Variants in OGFRL1 observed in about 807,000 individuals in gnomAD.
The protein encoded by OGFRL1 is opioid growth factor receptor like 1.
Under a neutral mutation model 32.4 loss-of-function variants are expected in OGFRL1, and 26 were observed. The observed-to-expected ratio is 0.80, with a 90% CI of 0.59 to 1.11. The LOEUF (loss-of-function observed/expected upper bound fraction) is 1.11. OGFRL1 is among the 50% of genes most tolerant of loss of function. The pLI is 0.00. For missense variants in OGFRL1, 521 were observed against 546.4 expected, an observed-to-expected ratio of 0.95 and a Z score of 0.46; for synonymous variants, 211 against 201.2, an observed-to-expected ratio of 1.05 and a Z score of -0.41.
intron 6 of OGFRL1, among the ~76,000 whole-genome samples, chr6:71,299,129 CCTTTTAA>C (rs1292147743): frequency 6.6e-6 from 1 of 152,016 alleles, no homozygotes; most frequent in Non-Finnish European, 1.5e-5. Flanking sequence ...CCCTGGGGAG[CCTTTTAA>C]CTTTTATTTT....
chr6:71,292,509 A>G (rs943724583), intron 1 of OGFRL1, among the ~76,000 whole-genome samples: 3 of 152,244 alleles, frequency 2.0e-5, no homozygotes, highest in Non-Finnish European at 2.9e-5. Context: ...TAGTACATAT[A>G]GGGAATGCAA....
rs780958817 is a variant in OGFRL1, at chr6:71,293,540, A to G, written c.329A>G (p.Lys110Arg). Reference sequence around the variant, plus strand: ...TATTTTTTCCTTTAGCAGAACTTCAAAGATATCCGATATCAAAATGACTTG... The same window carrying G: ...TATTTTTTCCTTTAGCAGAACTTCAGAGATATCCGATATCAAAATGACTTG... ...YKYRHQYPNFKDIRYQNDLSN... is the reference protein window; with the variant it reads ...YKYRHQYPNFRDIRYQNDLSN... The change falls in exon 3 of 7, where the codon AAA (lysine) becomes AGA (arginine). Residue 110 changes from lysine to arginine, a missense_variant. Physicochemically the swap from Lys to Arg is conservative, Grantham distance 26. Transcript: ENST00000370435. 3.7e-6 allele frequency: 6 copies of G among 1,612,434 alleles called. No homozygotes were observed. In the East Asian group the frequency reaches 1.3e-4, roughly 36 times the overall value.
Position 71,288,835 on chromosome 6 carries a change from T to A in OGFRL1, c.-102T>A. 1.1e-6 allele frequency: 1 copy of A among 874,438 alleles called. No homozygotes were observed. The highest frequency in any genetic ancestry group is 1.4e-6 in the Non-Finnish European group (1 of 720,392). 54.2% of individuals were successfully genotyped at this position (874,438 alleles called of 1,614,324 possible). A position where few individuals can be genotyped will look rare whatever the true frequency, so the allele number is the denominator to read the frequency against. ...CAGTGCGGGGCGGGCGCGCCTAGGCTGCCGCCCAGCGCCCTCGCCGCGGCC... is the reference window on the plus strand; with the variant it reads ...CAGTGCGGGGCGGGCGCGCCTAGGCAGCCGCCCAGCGCCCTCGCCGCGGCC... On this transcript the variant is annotated 5_prime_UTR_variant, in exon 1 of 7. Transcript: ENST00000370435.
In OGFRL1 at chr6:71,301,653, G is replaced by C. The variant is rs143683047; in HGVS notation, c.960G>C (p.Ser320=). Residue 320 remains serine (S), a synonymous_variant, in exon 7 of 7, where the codon TCG becomes TCC. Coordinates refer to ENST00000370435, the MANE Select transcript of OGFRL1 (RefSeq NM_024576.5). The stretch of plus-strand genomic sequence containing the variant: ...GGGGACCGCCTCGAAAAGAACAGTC[G>C]GAGGGAAGCAAAGCCCAGAAAATGT... ...FIWGPPRKEQ[S]EGSKAQKMSS... The C allele has an allele frequency of 3.7e-6, 6 of 1,614,010 alleles. No individual in the cohort carries two copies. The highest frequency in any genetic ancestry group is 5.1e-6 in the Non-Finnish European group (6 of 1,180,002).
rs545937282 is a variant in OGFRL1 at position 71,307,606 on chromosome 6, C to T, written c.*5557C>T. On this transcript the variant is annotated 3_prime_UTR_variant, in exon 7 of 7. Transcript: ENST00000370435. ...TTCAGAGAAAAGGCAGTAGTGGTCA[C>T]TTACTGTGCTAAAATACCTTTTTCT... 5 of 152,042 alleles carry T rather than the reference C, an allele frequency of 3.3e-5. No individual in the cohort carries two copies. Among genetic ancestry groups the T allele is most frequent in the Admixed American group, 6.5e-5 (1 of 15,270 alleles). 9.4% of individuals were successfully genotyped at this position (152,042 alleles called of 1,614,324 possible).
intron 3 of OGFRL1, among the ~76,000 whole-genome samples, chr6:71,293,995 A>G (rs1442206449): frequency 1.3e-5 from 2 of 152,196 alleles, no homozygotes; most frequent in Non-Finnish European, 2.9e-5. Flanking sequence ...GCCATAGCTG[A>G]AAACTATTTA....
intron 6 of OGFRL1, among the ~76,000 whole-genome samples, 197 bp downstream of exon 6, chr6:71,297,014 T>A (rs936404906): frequency 1.3e-5 from 2 of 152,190 alleles, no homozygotes; most frequent in African/African-American, 2.4e-5. Context: ...AACAAAATTC[T>A]AGGTAGAAAC....
intron 6 of OGFRL1, among the ~76,000 whole-genome samples, chr6:71,298,362 G>A (rs961056262): frequency 6.6e-6 from 1 of 152,078 alleles, no homozygotes; most frequent in Admixed American, 6.6e-5. Flanking sequence ...CTTTTGAAAG[G>A]ATTTGATAGT....
chr6:71,308,954 C>T lies in OGFRL1; in HGVS notation c.*6905C>T, dbSNP rs1328796060. ...ATTTTTAAAGAACTAGAAAAAATGA[C>T]TTGCTGTTTTCCTGTCATTAAGCAT... On this transcript the variant is annotated 3_prime_UTR_variant, in exon 7 of 7. Transcript: ENST00000370435. 6.6e-6 allele frequency: 1 copy of T among 152,116 alleles called. No individual in the cohort carries two copies. Among genetic ancestry groups the T allele is most frequent in the Non-Finnish European group, 1.5e-5 (1 of 68,006 alleles). The allele number at this position is 152,116 out of a possible 1,614,324, so 9.4% of individuals were successfully genotyped here.
chr6:71,292,228 C>T (rs2149351984), intron 1 of OGFRL1, among the ~76,000 whole-genome samples: 1 of 152,288 alleles, frequency 6.6e-6, no homozygotes, highest in Admixed American at 6.5e-5. Flanking sequence ...GACCAGAATT[C>T]AAGCTTTTCC....
In OGFRL1 at chr6:71,290,023, T is replaced by G. The variant is rs116198589; in HGVS notation, c.234+853T>G. Among the ~76,000 whole-genome samples, 446 of 152,282 alleles carry G rather than the reference T, an allele frequency of 2.9e-3. 5 individuals are homozygous for G. Among genetic ancestry groups the G allele is most frequent in the African/African-American group, 0.01 (434 of 41,558 alleles). The stretch of plus-strand genomic sequence containing the variant: ...AAAGTCCAATGTGACCACAGGGTTT[T>G]GGGGGAATCATAACCTAAATATTAC... On this transcript the variant is annotated intron_variant, in intron 1 of 6. Transcript: ENST00000370435.
At chr6:71,292,453 T>A (rs1346149972) in intron 1 of OGFRL1, among the ~76,000 whole-genome samples, 1 of 152,126 alleles carries the variant, frequency 6.6e-6, no homozygotes, top group Non-Finnish European at 1.5e-5. Flanking sequence ...AGGTCTAAAG[T>A]TTTTCTTTTT....
chr6:71,302,008 C>A lies in OGFRL1; in HGVS notation c.1315C>A (p.Pro439Thr). The change falls in exon 7 of 7, where the codon CCT (proline) becomes ACT (threonine). Residue 439 changes from proline (P) to threonine (T), a missense_variant. By Grantham distance (38) the Pro-to-Thr change is conservative. Transcript: ENST00000370435. ...AAATGATAACCAAGACAATGAAAAT[C>A]CTGGAAATACAAATTGCCATGATGT... ...GGNDNQDNENPGNTNCHDVVL... is the reference protein window; with the variant it reads ...GGNDNQDNENTGNTNCHDVVL... 6.3e-7 allele frequency: 1 copy of A among 1,592,872 alleles called. No homozygotes were observed. The highest frequency in any genetic ancestry group is 1.1e-5 in the South Asian group (1 of 87,208).
At chr6:71,289,558 A>T in intron 1 of OGFRL1, 3 of 868,654 alleles carry the variant, frequency 3.5e-6, no homozygotes, top group Non-Finnish European at 4.1e-6. Context: ...TAAAAAAAAA[A>T]AAAAAAAAAA....
rs1178292628 is a variant in OGFRL1, at chr6:71,304,592, T to C, written c.*2543T>C. 1.3e-5 allele frequency: 2 copies of C among 152,134 alleles called. No homozygotes were observed. Among genetic ancestry groups the C allele is most frequent in the African/African-American group, 4.8e-5 (2 of 41,458 alleles). The allele number at this position is 152,134 out of a possible 1,614,324, so 9.4% of individuals were successfully genotyped here. A position where few individuals can be genotyped will look rare whatever the true frequency, so the allele number is the denominator to read the frequency against. On this transcript the variant is annotated 3_prime_UTR_variant, in exon 7 of 7. Transcript: ENST00000370435. The stretch of plus-strand genomic sequence containing the variant: ...AGATACTAAAATCAATGAATGTAAT[T>C]TGAATTACTTAGAAATTGTATATTA...
At chr6:71,295,717 C>T (rs11968687) in intron 3 of OGFRL1, 33,044 of 152,208 alleles carry the variant, frequency 0.22, 3,893 homozygotes, top group East Asian at 0.34. Context: ...GCACTTACAA[C>T]TTTTTCCTAC....
intron 6 of OGFRL1, among the ~76,000 whole-genome samples, chr6:71,298,817 A>G (rs1293456641): frequency 6.6e-6 from 1 of 152,084 alleles, no homozygotes; most frequent in South Asian, 2.1e-4. Context: ...CGTCTGTTCT[A>G]TTTTCTTCTT....
In OGFRL1 at chr6:71,301,971, C is replaced by T. The variant is rs113493807; in HGVS notation, c.1278C>T (p.Asn426=). The change falls in exon 7 of 7, where the codon AAC becomes AAT. Residue 426 remains asparagine (N), a synonymous_variant. Transcript: ENST00000370435. ...AGGAGAGTGTATCTCCTGAGAATAA[C>T]GAAGAAGGTGGAAATGATAACCAAG... ...EKKESVSPEN[N]EEGGNDNQDN... 1.9e-4 allele frequency: 302 copies of T among 1,607,782 alleles called. 2 individuals are homozygous for T. In the African/African-American group the frequency reaches 2.9e-3, roughly 15 times the overall value.
In OGFRL1 at chr6:71,305,338, A is replaced by T. The variant is rs897966011; in HGVS notation, c.*3289A>T. 2 of 152,044 alleles carry T rather than the reference A, an allele frequency of 1.3e-5. No individual in the cohort carries two copies. The highest frequency in any genetic ancestry group is 2.9e-5 in the Non-Finnish European group (2 of 67,918). 9.4% of individuals were successfully genotyped at this position (152,044 alleles called of 1,614,324 possible). Reference sequence around the variant, plus strand: ...AAAGTGACATATAGTTATAAGATATATTTCTGTACAGTAGAGAAAGAGTTT... The same window carrying T: ...AAAGTGACATATAGTTATAAGATATTTTTCTGTACAGTAGAGAAAGAGTTT... On this transcript the variant is annotated 3_prime_UTR_variant, in exon 7 of 7. Coordinates refer to ENST00000370435, the MANE Select transcript of OGFRL1 (RefSeq NM_024576.5).
Sources: gnomAD v4.1 joint callset for allele counts (sites outside exome capture counted in the v4.1 genomes callset) on GRCh38, gnomAD v4.1.1 for gene constraint, MANE v1.5 for transcripts, NCBI Gene and HGNC (gene_info 2026-07-23, HGNC 2026-07-21) for gene names.